The following MRRF variants were observed in gnomAD, a reference collection of about 807,000 sequenced individuals.
MRRF encodes the protein mitochondrial ribosome recycling factor, also known as ribosome-recycling factor, mitochondrial.
A neutral mutation model predicts 25.1 loss-of-function variants in MRRF; 18 were observed. That is an observed-to-expected ratio of 0.72 (90% confidence interval 0.50 to 1.06). MRRF has a LOEUF of 1.06. Ranked by LOEUF, MRRF falls within the 50% of genes least tolerant of loss-of-function variation. The pLI, the probability that MRRF is intolerant of heterozygous loss-of-function variation, is 0.00. For synonymous variants in MRRF, 113 were observed against 112.1 expected, an observed-to-expected ratio of 1.01 and a Z score of -0.05; for missense variants, 323 against 319.3, an observed-to-expected ratio of 1.01 and a Z score of -0.09.
At chr9:122,322,234 G>A (rs1216376882) in intron 6 of MRRF, among the ~76,000 whole-genome samples, 2 of 151,980 alleles carry the variant, frequency 1.3e-5, no homozygotes, top group African/African-American at 2.4e-5. Flanking sequence ...GCGGTGGCGG[G>A]CACCTGTAGT....
chr9:122,266,749 C>T (rs900066744), intron 1 of MRRF, among the ~76,000 whole-genome samples: 4 of 152,138 alleles, frequency 2.6e-5, no homozygotes, highest in African/African-American at 7.2e-5. Flanking sequence ...ACAGGGAAAT[C>T]GTTTGAGACC....
intron 5 of MRRF, among the ~76,000 whole-genome samples, chr9:122,309,054 C>A (rs771046778): frequency 3.9e-4 from 60 of 152,302 alleles, no homozygotes; most frequent in Admixed American, 6.5e-4. Context: ...CCTCTTCCCC[C>A]AGCCCCTGGT....
chr9:122,265,840 T>C lies in MRRF; in HGVS notation c.-29+902T>C, dbSNP rs572715131. The stretch of plus-strand genomic sequence containing the variant: ...AGGCAAAAGCCCTTTCTCTACCTGT[T>C]AAAGTGTCTCATTCCTTCTTTGGCC... On this transcript the variant is annotated intron_variant, in intron 1 of 6. Transcript: ENST00000344641. The C allele has an allele frequency of 1.1e-3, 1,142 of 1,006,116 alleles. 3 individuals are homozygous for C. Among genetic ancestry groups the C allele is most frequent in the Non-Finnish European group, 1.4e-3 (1,020 of 729,954 alleles). 62.3% of individuals were successfully genotyped at this position (1,006,116 alleles called of 1,614,324 possible). A position where few individuals can be genotyped will look rare whatever the true frequency, so the allele number is the denominator to read the frequency against.
intron 6 of MRRF, among the ~76,000 whole-genome samples, chr9:122,321,704 A>C (rs574916181): frequency 6.7e-5 from 10 of 149,876 alleles, no homozygotes; most frequent in Admixed American, 2.0e-4. Context: ...TTTGATGTCT[A>C]TTTTCCATGT....
chr9:122,285,637 C>A (rs1833347462), intron 4 of MRRF: 5 of 624,446 alleles, frequency 8.0e-6, no homozygotes, highest in Non-Finnish European at 9.7e-6. Context: ...TCCTGCTGAT[C>A]ATTGCCAGGC....
At chr9:122,276,227 T>G (rs766183114) in intron 2 of MRRF, among the ~76,000 whole-genome samples, 1 of 152,194 alleles carries the variant, frequency 6.6e-6, no homozygotes, top group Non-Finnish European at 1.5e-5. Context: ...TTTGTTTTGT[T>G]TTGTTTTTAA....
At position 122,322,796 on chromosome 9, in the gene MRRF, G is replaced by C; in HGVS notation, c.*179G>C. On this transcript the variant is annotated 3_prime_UTR_variant, in exon 7 of 7. Coordinates refer to ENST00000344641, the MANE Select transcript of MRRF (RefSeq NM_138777.5). The stretch of plus-strand genomic sequence containing the variant: ...ACTCAGACATGTTCATTCTCTTCCT[G>C]CTTCTGCTCTGGGCCGGTGGGTGGC... 1 of 686,562 alleles carries C rather than the reference G, an allele frequency of 1.5e-6. No individual in the cohort carries two copies. The highest frequency in any genetic ancestry group is 2.7e-6 in the Non-Finnish European group (1 of 377,190). The allele number at this position is 686,562 out of a possible 1,614,324, so 42.5% of individuals were successfully genotyped here.
At chr9:122,301,529 G>A (rs1189529787) in intron 5 of MRRF, among the ~76,000 whole-genome samples, 1 of 152,160 alleles carries the variant, frequency 6.6e-6, no homozygotes, top group Non-Finnish European at 1.5e-5. Flanking sequence ...CTTTTGTGAA[G>A]ATTTGTTGGG....
intron 5 of MRRF, among the ~76,000 whole-genome samples, chr9:122,309,934 C>T (rs1159617032): frequency 6.6e-6 from 1 of 152,216 alleles, no homozygotes; most frequent in African/African-American, 2.4e-5. Flanking sequence ...TTTGCTCTGT[C>T]ATTCCTCTGT....
intron 5 of MRRF, among the ~76,000 whole-genome samples, chr9:122,305,294 C>T (rs537381018): frequency 6.6e-6 from 1 of 151,714 alleles, no homozygotes; most frequent in Admixed American, 6.6e-5. Flanking sequence ...GCCTATAGTC[C>T]CAGCTACTCA....
chr9:122,287,846 T>G (rs1210438877), intron 4 of MRRF, among the ~76,000 whole-genome samples: 1 of 152,188 alleles, frequency 6.6e-6, no homozygotes, highest in African/African-American at 2.4e-5. Flanking sequence ...TTCCTTTATC[T>G]CGTCTGTTGT....
chr9:122,312,171 T>G lies in MRRF; in HGVS notation c.552-1056T>G, dbSNP rs914337889. ...AATACAGGCCAGAAAGATCGGGGTT[T>G]GAATCCCAGTTCTCTCACTCATGCT... On this transcript the variant is annotated intron_variant, in intron 5 of 6. Transcript: ENST00000344641. 3.7e-4 allele frequency among the ~76,000 whole-genome samples: 56 copies of G among 152,364 alleles called. No individual in the cohort carries two copies. In the Middle Eastern group the frequency reaches 0.014, roughly 37 times the overall value.
chr9:122,274,040 C>T (rs1349271732), intron 2 of MRRF, among the ~76,000 whole-genome samples: 2 of 152,112 alleles, frequency 1.3e-5, no homozygotes, highest in East Asian at 3.9e-4. Context: ...CCATTCTTCT[C>T]CCCTCCTGTC....
rs1836263031 is a variant in MRRF, at chr9:122,330,776, A to G, written c.*8159A>G. 6.6e-6 allele frequency: 1 copy of G among 152,194 alleles called. No individual in the cohort carries two copies. Among genetic ancestry groups the G allele is most frequent in the Non-Finnish European group, 1.5e-5 (1 of 68,066 alleles). 9.4% of individuals were successfully genotyped at this position (152,194 alleles called of 1,614,324 possible). On this transcript the variant is annotated 3_prime_UTR_variant, in exon 7 of 7. Coordinates refer to ENST00000344641, the MANE Select transcript of MRRF (RefSeq NM_138777.5). This position sits in a 1 kb window ranked among gnomAD's most constrained non-coding sequence, Gnocchi z 4.2. ...GAAACCCCATCTCTACTAAAAATAA[A>G]AAATTTAGCCAGGTGTGGTGGCGGG...
At chr9:122,308,318 A>G (rs372581556) in intron 5 of MRRF, among the ~76,000 whole-genome samples, 5 of 151,920 alleles carry the variant, frequency 3.3e-5, no homozygotes, top group Admixed American at 1.3e-4. Context: ...TACACAAACT[A>G]CAAATCTGAT....
chr9:122,272,019 T>C (rs1011634471), intron 2 of MRRF, among the ~76,000 whole-genome samples: 2 of 152,256 alleles, frequency 1.3e-5, no homozygotes, highest in Admixed American at 1.3e-4. Flanking sequence ...CTGTTAATAG[T>C]GTTAATAGTA....
At position 122,327,767 on chromosome 9, in the gene MRRF, CTTG is replaced by C. The variant is rs1404477772; in HGVS notation, c.*5155_*5157del. 4 of 151,854 alleles carry C rather than the reference CTTG, an allele frequency of 2.6e-5. No individual in the cohort carries two copies. Among genetic ancestry groups the C allele is most frequent in the African/African-American group, 7.2e-5 (3 of 41,392 alleles). The allele number at this position is 151,854 out of a possible 1,614,324, so 9.4% of individuals were successfully genotyped here. A position where few individuals can be genotyped will look rare whatever the true frequency, so the allele number is the denominator to read the frequency against. On this transcript the variant is annotated 3_prime_UTR_variant, in exon 7 of 7. Transcript: ENST00000344641. Reference sequence around the variant, plus strand: ...TCAGTGCTCTTAGTCTGAATTTTATCTTGTTGTATATCAGGATTACAGCTCTTG... The same window carrying C: ...TCAGTGCTCTTAGTCTGAATTTTATCTTGTATATCAGGATTACAGCTCTTG...
At chr9:122,268,749 T>C (rs1028620365) in intron 1 of MRRF, among the ~76,000 whole-genome samples, 3 of 152,362 alleles carry the variant, frequency 2.0e-5, no homozygotes, top group Admixed American at 6.5e-5. Flanking sequence ...TATTCCCTTT[T>C]TTCATCAAAT....
chr9:122,318,066 G>A (rs950415253), intron 6 of MRRF, among the ~76,000 whole-genome samples: 2 of 152,164 alleles, frequency 1.3e-5, no homozygotes, highest in Admixed American at 1.3e-4. Context: ...GAACCCGGGA[G>A]GCAGAGCTGC....
Sources: allele counts gnomAD v4.1 joint callset (sites outside exome capture counted in the v4.1 genomes callset), GRCh38; gene constraint gnomAD v4.1.1; non-coding constraint Gnocchi (gnomAD v3.1); transcripts MANE v1.5; gene names NCBI Gene and HGNC (gene_info 2026-07-23, HGNC 2026-07-21).